Variants in RFX4 observed in about 807,000 individuals in gnomAD.
RFX4 encodes regulatory factor X4.
Under a neutral mutation model 95.0 loss-of-function variants are expected in RFX4, and 10 were observed. That is an observed-to-expected ratio of 0.11 (90% CI 0.06 to 0.18). The LOEUF is 0.18. Ranked by LOEUF, RFX4 falls within the 10% of genes least tolerant of loss-of-function variation. The pLI, the probability that RFX4 is intolerant of heterozygous loss-of-function variation, is 1.00. For missense variants in RFX4, 640 were observed against 922.0 expected (o/e 0.69, Z 3.96); for synonymous variants, 321 against 340.7 (o/e 0.94, Z 0.64).
At chr12:106,622,553 T>C (rs1003114387) in intron 2 of RFX4, among the ~76,000 whole-genome samples, 1 of 152,094 alleles carries the variant, frequency 6.6e-6, no homozygotes, top group South Asian at 2.1e-4. Flanking sequence ...TGCTTACATA[T>C]GTAGAAATTG....
At chr12:106,642,879 C>G (rs1248014278) in intron 3 of RFX4, among the ~76,000 whole-genome samples, 1 of 152,136 alleles carries the variant, frequency 6.6e-6, no homozygotes, top group Non-Finnish European at 1.5e-5. Flanking sequence ...GGTGACCTCT[C>G]CAGATTGAGC....
intron 14 of RFX4, among the ~76,000 whole-genome samples, chr12:106,732,639 G>T (rs1029423122): frequency 6.6e-6 from 1 of 152,170 alleles, no homozygotes; most frequent in African/African-American, 2.4e-5. Flanking sequence ...GGCAGAGGTT[G>T]CAGTGAGCCG....
At position 106,654,241 on chromosome 12, in the gene RFX4, T is replaced by A; in HGVS notation, c.205T>A (p.Tyr69Asn). 1 of 1,614,016 alleles carries A rather than the reference T, an allele frequency of 6.2e-7. No homozygotes were observed. Among genetic ancestry groups the A allele is most frequent in the Non-Finnish European group, 8.5e-7 (1 of 1,179,916 alleles). ...TTATTTCCCTAGGCTGGAGGAGAAC[T>A]ATGAGATTGCAGAGGGGGTCTGCAT... ...PATLQWLEEN[Y>N]EIAEGVCIPR... The change falls in exon 4 of 18, where the codon TAT becomes AAT. Residue 69 changes from tyrosine (Y) to asparagine (N), a missense_variant. Tyr to Asn is a moderately radical substitution (Grantham distance 143, BLOSUM62 -2). This residue lies in a region of RFX4 where 89 missense variants were observed against 173.8 expected (regional missense o/e 0.51). Coordinates refer to ENST00000392842, the MANE Select transcript of RFX4 (RefSeq NM_213594.3).
At chr12:106,642,937 C>T (rs769088396) in intron 3 of RFX4, among the ~76,000 whole-genome samples, 16 of 152,174 alleles carry the variant, frequency 1.1e-4, no homozygotes, top group African/African-American at 3.4e-4. Flanking sequence ...CCAGCCTCCA[C>T]GCCCATAGGG....
At chr12:106,604,115 CTTTT>C (rs1163891542) in intron 1 of RFX4, among the ~76,000 whole-genome samples, 1 of 112,808 alleles carries the variant, frequency 8.9e-6, no homozygotes, top group Non-Finnish European at 1.8e-5. Context: ...GCTTCTCTCT[CTTTT>C]TTTTTTTTTT....
chr12:106,712,361 G>A (rs767091950), intron 10 of RFX4, among the ~76,000 whole-genome samples: 14 of 152,172 alleles, frequency 9.2e-5, no homozygotes, highest in Non-Finnish European at 1.6e-4. Context: ...CAGCTGCTGG[G>A]CCAAGCTTCT....
intron 15 of RFX4, among the ~76,000 whole-genome samples, chr12:106,741,420 C>T (rs980707380): frequency 6.6e-6 from 1 of 152,174 alleles, no homozygotes; most frequent in Non-Finnish European, 1.5e-5. Context: ...CAAGCAACAT[C>T]GTCCAAATAG....
chr12:106,649,761 A>G (rs1230135132), intron 3 of RFX4, among the ~76,000 whole-genome samples: 2 of 152,100 alleles, frequency 1.3e-5, no homozygotes, highest in Admixed American at 6.6e-5. Flanking sequence ...TGAAAGCATG[A>G]TTTTCACCCT....
intron 3 of RFX4, among the ~76,000 whole-genome samples, chr12:106,653,213 TG>T (rs1268306715): frequency 6.6e-6 from 1 of 152,186 alleles, no homozygotes; most frequent in Non-Finnish European, 1.5e-5. Context: ...GCCTACATTC[TG>T]GTGTTTGGGT....
intron 15 of RFX4, among the ~76,000 whole-genome samples, chr12:106,734,797 C>T (rs540453390): frequency 6.6e-6 from 1 of 151,168 alleles, no homozygotes; most frequent in East Asian, 2.0e-4. Flanking sequence ...CATGGTGACT[C>T]ACCCTGTAAT....
At chr12:106,625,315 G>A (rs1294287951) in intron 2 of RFX4, among the ~76,000 whole-genome samples, 4 of 152,148 alleles carry the variant, frequency 2.6e-5, no homozygotes, top group African/African-American at 7.2e-5. Flanking sequence ...AATGTGATAT[G>A]GGACTGATAT....
intron 7 of RFX4, among the ~76,000 whole-genome samples, chr12:106,693,323 G>A (rs1362016413): frequency 6.6e-6 from 1 of 152,188 alleles, no homozygotes; most frequent in African/African-American, 2.4e-5. Flanking sequence ...AGCCTTCCCA[G>A]TGCAGCTTGA....
intron 4 of RFX4, among the ~76,000 whole-genome samples, chr12:106,678,132 C>T (rs937039969): frequency 2.0e-5 from 3 of 152,168 alleles, no homozygotes; most frequent in Non-Finnish European, 4.4e-5. Context: ...GATCACAGTG[C>T]GTAGAATCAC....
chr12:106,653,247 AC>A (rs1446571445), intron 3 of RFX4, among the ~76,000 whole-genome samples: 3 of 152,156 alleles, frequency 2.0e-5, no homozygotes, highest in East Asian at 1.9e-4. Flanking sequence ...AATTTTTTAA[AC>A]CCTGTATCTA....
chr12:106,613,488 A>T (rs1462630380), intron 2 of RFX4, among the ~76,000 whole-genome samples: 4 of 150,774 alleles, frequency 2.7e-5, no homozygotes, highest in Admixed American at 6.6e-5. Context: ...TCAGCCTCCC[A>T]CATAGCTGGG....
chr12:106,611,264 C>T (rs1190409716), intron 2 of RFX4, among the ~76,000 whole-genome samples: 2 of 152,116 alleles, frequency 1.3e-5, no homozygotes, highest in Non-Finnish European at 2.9e-5. Flanking sequence ...CATGGGTTGC[C>T]TTTTCACTCT....
chr12:106,605,730 TG>T (rs2039817100), intron 1 of RFX4, among the ~76,000 whole-genome samples: 2 of 152,226 alleles, frequency 1.3e-5, no homozygotes, highest in African/African-American at 2.4e-5. Flanking sequence ...GGTTCTTTGA[TG>T]GGGGTACTTC....
chr12:106,731,986 C>A (rs1366069014), intron 13 of RFX4, 144 bp from the exon 14 acceptor site: 3 of 1,177,462 alleles, frequency 2.5e-6, no homozygotes, highest in African/African-American at 1.5e-5. Flanking sequence ...CAACCTATGA[C>A]CATGAGGAGA....
intron 2 of RFX4, among the ~76,000 whole-genome samples, chr12:106,629,495 T>G (rs1359716646): frequency 6.6e-6 from 1 of 152,092 alleles, no homozygotes; most frequent in East Asian, 1.9e-4. Context: ...TTGTTTTTGT[T>G]TTTGAGAGAG....
Sources: allele counts gnomAD v4.1 joint callset (sites outside exome capture counted in the v4.1 genomes callset), GRCh38; gene constraint gnomAD v4.1.1; regional missense constraint gnomAD v4.1.1; transcripts MANE v1.5; gene names NCBI Gene and HGNC (gene_info 2026-07-23, HGNC 2026-07-21).